The following OPHN1 variants were observed in gnomAD, a reference collection of about 807,000 sequenced individuals.
OPHN1 encodes the protein oligophrenin-1.
Under a neutral mutation model 60.7 loss-of-function variants are expected in OPHN1, and 11 were observed. The ratio of observed to expected loss-of-function variants is 0.18; its 90% CI spans 0.11 to 0.30. The LOEUF is 0.30. Ranked by LOEUF, OPHN1 falls within the 10% of genes least tolerant of loss-of-function variation. The pLI is 1.00. For missense variants in OPHN1, 449 were observed against 611.0 expected (o/e 0.73, Z 2.80); for synonymous variants, 226 against 222.6 (o/e 1.02, Z -0.14).
intron 2 of OPHN1, among the ~76,000 whole-genome samples, chrX:68,314,985 C>CAAA (rs767435080): frequency 1.9e-5 from 1 of 53,877 alleles, no homozygotes; most frequent in Non-Finnish European, 3.6e-5. Flanking sequence ...GACTCCATCT[C>CAAA]AAAAAAAAAA....
intron 15 of OPHN1, among the ~76,000 whole-genome samples, chrX:68,179,600 G>A (rs1451891252): frequency 3.6e-5 from 4 of 111,306 alleles, no homozygotes; most frequent in Non-Finnish European, 7.5e-5. Context: ...CACTGTATCC[G>A]GCTTTGAGCA....
At chrX:68,049,689 C>T (rs752543579) in intron 23 of OPHN1, among the ~76,000 whole-genome samples, 4 of 111,801 alleles carry the variant, frequency 3.6e-5, no homozygotes, top group East Asian at 2.8e-4. Flanking sequence ...ATGACTCATC[C>T]GCATATGGAC....
At chrX:68,141,684 G>T (rs2077243180) in intron 15 of OPHN1, among the ~76,000 whole-genome samples, 1 of 111,049 alleles carries the variant, frequency 9.0e-6, no homozygotes, top group Non-Finnish European at 1.9e-5. Flanking sequence ...GAGTTGCAAG[G>T]ATTGTTTGGT....
intron 2 of OPHN1, among the ~76,000 whole-genome samples, chrX:68,319,665 G>C (rs1271560333): frequency 9.1e-6 from 1 of 110,341 alleles, no homozygotes; most frequent in East Asian, 2.9e-4. Context: ...GAGCCTGGGA[G>C]GTGGAGGTTG....
chrX:68,264,111 T>C (rs1025186491), intron 5 of OPHN1, among the ~76,000 whole-genome samples: 24 of 111,396 alleles, frequency 2.2e-4, no homozygotes, highest in Admixed American at 3.8e-4. Flanking sequence ...TAATTCAAGA[T>C]GGATTAAAGA....
chrX:68,046,219 T>C lies in OPHN1; in HGVS notation c.*953A>G, dbSNP rs921963603. 2.4e-4 allele frequency: 27 copies of C among 111,681 alleles called. No homozygotes were observed. The highest frequency in any genetic ancestry group is 8.8e-4 in the African/African-American group (27 of 30,712). The allele number at this position is 111,681 out of a possible 1,213,427, so 9.2% of individuals were successfully genotyped here. A position where few individuals can be genotyped will look rare whatever the true frequency, so the allele number is the denominator to read the frequency against. On this transcript the variant is annotated 3_prime_UTR_variant, in exon 25 of 25. Coordinates refer to ENST00000355520, the MANE Select transcript of OPHN1 (RefSeq NM_002547.3). ...CATGGACACTGGGTTAAGAACTGCT[T>C]TTTTCAGGAGATAAAAGAGTTTATG...
At position 68,340,688 on chromosome X, in the gene OPHN1, A is replaced by G. The variant is rs918403858; in HGVS notation, c.155-41592T>C. ...ACACCCAAAACACAAGGAACAAGAGAAAAAAAAATAGTTTTAAAAATGAAG... is the reference window on the plus strand; with the variant it reads ...ACACCCAAAACACAAGGAACAAGAGGAAAAAAAATAGTTTTAAAAATGAAG... On this transcript the variant is annotated intron_variant, in intron 2 of 24. Transcript: ENST00000355520. Among the ~76,000 whole-genome samples, 3 of 108,000 alleles carry G rather than the reference A, an allele frequency of 2.8e-5. No homozygotes were observed. In the South Asian group the frequency reaches 1.1e-3, roughly 41 times the overall value. 93.8% of individuals were successfully genotyped at this position (108,000 alleles called of 115,157 possible). A position where few individuals can be genotyped will look rare whatever the true frequency, so the allele number is the denominator to read the frequency against.
At chrX:68,168,147 A>G (rs5964644) in intron 15 of OPHN1, among the ~76,000 whole-genome samples, 38,580 of 109,451 alleles carry the variant, frequency 0.35, 5,688 homozygotes, top group African/African-American at 0.53. Context: ...TCTGCACCAA[A>G]CGGACCTAAT....
intron 15 of OPHN1, among the ~76,000 whole-genome samples, chrX:68,137,959 C>G (rs1410167775): frequency 9.0e-6 from 1 of 111,528 alleles, no homozygotes; most frequent in Admixed American, 9.5e-5. Context: ...AACTATTAAA[C>G]TTGACAAAAA....
chrX:68,212,681 A>G, intron 7 of OPHN1, among the ~76,000 whole-genome samples: 1 of 112,646 alleles, frequency 8.9e-6, no homozygotes, highest in Non-Finnish European at 1.9e-5. Context: ...CAGTCTACAC[A>G]TCACTGTTTT....
intron 15 of OPHN1, among the ~76,000 whole-genome samples, chrX:68,170,775 A>C (rs2077386750): frequency 1.4e-5 from 1 of 69,049 alleles, no homozygotes. Context: ...CACTCTGGGG[A>C]CTGTTGTGGG....
chrX:68,299,875 A>T (rs1310727431), intron 2 of OPHN1, among the ~76,000 whole-genome samples: 1 of 110,433 alleles, frequency 9.1e-6, no homozygotes, highest in Non-Finnish European at 1.9e-5. Context: ...CCCCACCAAG[A>T]GGTCCAACCC....
intron 5 of OPHN1, among the ~76,000 whole-genome samples, chrX:68,239,438 T>C (rs1007194176): frequency 9.0e-6 from 1 of 111,317 alleles, no homozygotes; most frequent in Non-Finnish European, 1.9e-5. Context: ...CATTTTGGCA[T>C]GAAAACAGAA....
At chrX:68,285,636 T>A (rs771565388) in intron 3 of OPHN1, among the ~76,000 whole-genome samples, 1 of 111,153 alleles carries the variant, frequency 9.0e-6, no homozygotes, top group East Asian at 2.8e-4. Flanking sequence ...TCTGAGGTTC[T>A]CATTCTGTAT....
chrX:68,378,420 A>C, intron 2 of OPHN1, among the ~76,000 whole-genome samples: 1 of 111,443 alleles, frequency 9.0e-6, no homozygotes, highest in Non-Finnish European at 1.9e-5. Flanking sequence ...TGCTGTGCAG[A>C]AGCTCTTTAG....
At chrX:68,088,957 C>G (rs1433322427) in intron 19 of OPHN1, among the ~76,000 whole-genome samples, 5 of 111,045 alleles carry the variant, frequency 4.5e-5, no homozygotes, top group Admixed American at 9.6e-5. Flanking sequence ...ACAGAGGTAG[C>G]CTGGACATTT....
rs1224895307 is a variant in OPHN1 at position 68,064,087 on chromosome X, C to T, written c.1925G>A (p.Arg642Lys). The change falls in exon 21 of 25, where the codon AGG (arginine) becomes AAG (lysine). Residue 642 changes from arginine to lysine, a missense_variant. By Grantham distance (26) the Arg-to-Lys change is conservative. This residue lies in a region of OPHN1 where 184 missense variants were observed against 160.5 expected (regional missense o/e 1.15). Coordinates refer to ENST00000355520, the MANE Select transcript of OPHN1 (RefSeq NM_002547.3). ...CCTCCCAGGATCAGTTTCCCCACTC[C>T]TCTGAATAGGTAGTTTGGGGTGTTG... Reference protein sequence around the residue: ...PPQHPKLPIQRSGETDPGRKS... With the variant: ...PPQHPKLPIQKSGETDPGRKS... 8.3e-7 allele frequency: 1 copy of T among 1,210,430 alleles called. No homozygotes were observed. Among genetic ancestry groups the T allele is most frequent in the East Asian group, 3.0e-5 (1 of 33,801 alleles).
At chrX:68,162,171 G>A (rs1256993944) in intron 15 of OPHN1, among the ~76,000 whole-genome samples, 2 of 110,203 alleles carry the variant, frequency 1.8e-5, no homozygotes, top group East Asian at 5.7e-4. Flanking sequence ...AACAAGTAAA[G>A]GAATGTTAAA....
intron 15 of OPHN1, among the ~76,000 whole-genome samples, chrX:68,169,501 G>A (rs1295562905): frequency 1.8e-5 from 2 of 109,264 alleles, no homozygotes; most frequent in Non-Finnish European, 3.8e-5. Context: ...GAACAAAGCT[G>A]GAGGCATCAC....
Sources: allele counts gnomAD v4.1 joint callset (sites outside exome capture counted in the v4.1 genomes callset), GRCh38; gene constraint gnomAD v4.1.1; regional missense constraint gnomAD v4.1.1; transcripts MANE v1.5; gene names NCBI Gene and HGNC (gene_info 2026-07-23, HGNC 2026-07-21).